The following AFDN variants were observed in gnomAD, a reference collection of about 807,000 sequenced individuals.
AFDN encodes afadin.
AFDN carries 68 observed loss-of-function variants against 216.6 expected under a neutral mutation model. That is an observed-to-expected ratio of 0.31 (90% CI 0.26 to 0.38). The LOEUF (loss-of-function observed/expected upper bound fraction) is 0.38, where lower values mean the gene tolerates loss of function less well. Among genes scored for constraint, AFDN ranks in the 10% least tolerant of loss-of-function variants. AFDN has a pLI of 1.00. For missense variants in AFDN, 2,136 were observed against 2,342.0 expected (o/e 0.91, Z 1.82); for synonymous variants, 868 against 853.7 (o/e 1.02, Z -0.29).
At chr6:167,944,200 T>C (rs9346632) in intron 26 of AFDN, 141 bp downstream of exon 26, 308,406 of 640,014 alleles carry the variant, frequency 0.48, 77,394 homozygotes, top group East Asian at 0.8. Flanking sequence ...CGCTTCAGCA[T>C]AGTGCCTGGG....
intron 1 of AFDN, among the ~76,000 whole-genome samples, chr6:167,839,049 A>T (rs1378669738): frequency 6.6e-6 from 1 of 151,900 alleles, no homozygotes; most frequent in Non-Finnish European, 1.5e-5. Context: ...AACTTCAAAA[A>T]CTTTTTTTTT....
intron 1 of AFDN, among the ~76,000 whole-genome samples, chr6:167,832,889 C>G (rs140738082): frequency 6.6e-6 from 1 of 152,192 alleles, no homozygotes; most frequent in Non-Finnish European, 1.5e-5. Flanking sequence ...ACTTGCTTTA[C>G]CTTGTAAGCG....
intron 30 of AFDN, among the ~76,000 whole-genome samples, chr6:167,955,131 C>A (rs1220973427): frequency 3.9e-5 from 6 of 152,070 alleles, no homozygotes; most frequent in African/African-American, 1.4e-4. Flanking sequence ...CGTATGGTAT[C>A]TTTATCACCT....
intron 1 of AFDN, among the ~76,000 whole-genome samples, chr6:167,835,396 A>G (rs1780313444): frequency 6.6e-6 from 1 of 152,272 alleles, no homozygotes; most frequent in South Asian, 2.1e-4. Flanking sequence ...GTGTTCCATG[A>G]AAGAAGTGAC....
chr6:167,827,300 C>A lies in AFDN; in HGVS notation c.105+63C>A, dbSNP rs1459975691. ...CCCGCTGCGCCGCGCCCCGCCCCTC[C>A]CCCCCGCCGCCGCCCGCCAGCCGCG... On this transcript the variant is annotated intron_variant, in intron 1 of 33. Coordinates refer to ENST00000683244, the MANE Select transcript of AFDN (RefSeq NM_001386888.1). The A allele has an allele frequency of 1.2e-5, 8 of 680,358 alleles. No homozygotes were observed. In the South Asian group the frequency reaches 3.8e-4, roughly 32 times the overall value. The allele number at this position is 680,358 out of a possible 1,614,324, so 42.1% of individuals were successfully genotyped here. A position where few individuals can be genotyped will look rare whatever the true frequency, so the allele number is the denominator to read the frequency against.
chr6:167,922,853 T>C lies in AFDN; in HGVS notation c.2909-3T>C, dbSNP rs1481740889. 2 of 1,601,896 alleles carry C rather than the reference T, an allele frequency of 1.2e-6. No homozygotes were observed. Among genetic ancestry groups the C allele is most frequent in the Non-Finnish European group, 8.5e-7 (1 of 1,171,130 alleles). On this transcript the variant is annotated splice_region_variant and splice_polypyrimidine_tract_variant and intron_variant, in intron 21 of 33. Transcript: ENST00000683244. ...ACTTACAATTTGCTTGTTTCCTCCT[T>C]AGGATTTTGCAGGTTAATTCCTCAC...
intron 11 of AFDN, among the ~76,000 whole-genome samples, chr6:167,901,327 C>T (rs552637552): frequency 9.9e-5 from 15 of 151,998 alleles, no homozygotes; most frequent in Non-Finnish European, 2.1e-4. Flanking sequence ...GTGGGGAGGG[C>T]ACTCTCCAAT....
In AFDN at chr6:167,955,100, G is replaced by A. The variant is rs147232209; in HGVS notation, c.4833+2913G>A. 3.3e-3 allele frequency among the ~76,000 whole-genome samples: 503 copies of A among 152,212 alleles called. 1 individual carries two copies. The highest frequency in any genetic ancestry group is 0.012 in the African/African-American group (482 of 41,492). On this transcript the variant is annotated intron_variant, in intron 30 of 33. Transcript: ENST00000683244. Reference sequence around the variant, plus strand: ...TCATATTGGGGAAGTTTGGCTCATCGTTTAGGGCCCATTATGCTTGCGTAT... The same window carrying A: ...TCATATTGGGGAAGTTTGGCTCATCATTTAGGGCCCATTATGCTTGCGTAT...
chr6:167,929,242 TAAAA>T (rs35368105), intron 23 of AFDN, among the ~76,000 whole-genome samples: 1 of 146,694 alleles, frequency 6.8e-6, no homozygotes. Context: ...TCTCCAGCAT[TAAAA>T]AAAAAAAAAT....
At chr6:167,954,567 G>A in intron 30 of AFDN, 1 of 1,367,606 alleles carries the variant, frequency 7.3e-7, no homozygotes, top group East Asian at 2.3e-5. Context: ...GTGGCTGTTT[G>A]ATGTTTTCAG....
At chr6:167,924,872 A>G (rs1011871340) in intron 22 of AFDN, 133 bp from the exon 23 acceptor site, 4 of 757,580 alleles carry the variant, frequency 5.3e-6, no homozygotes, top group African/African-American at 5.1e-5. Flanking sequence ...AATTTTTTTT[A>G]CTGTTTATCT....
At chr6:167,946,222 T>G (rs1795237825) in intron 26 of AFDN, among the ~76,000 whole-genome samples, 1 of 152,166 alleles carries the variant, frequency 6.6e-6, no homozygotes, top group South Asian at 2.1e-4. Flanking sequence ...GAGTTAGAAA[T>G]CACAGAGGGA....
chr6:167,966,795 G>C (rs900706485), intron 32 of AFDN, among the ~76,000 whole-genome samples: 1 of 152,228 alleles, frequency 6.6e-6, no homozygotes, highest in Non-Finnish European at 1.5e-5. Flanking sequence ...CATCCGCTAA[G>C]CTGGTTCACT....
chr6:167,872,727 C>T, intron 4 of AFDN, among the ~76,000 whole-genome samples: 1 of 152,184 alleles, frequency 6.6e-6, no homozygotes, highest in East Asian at 1.9e-4. Context: ...CAGCAGTTGT[C>T]TCATATGTAC....
chr6:167,888,816 G>C (rs968364801), intron 6 of AFDN, among the ~76,000 whole-genome samples: 2 of 152,122 alleles, frequency 1.3e-5, no homozygotes, highest in Non-Finnish European at 2.9e-5. Flanking sequence ...TATTGTATGA[G>C]CCCACTTTAT....
At chr6:167,946,023 C>T (rs1396990821) in intron 26 of AFDN, among the ~76,000 whole-genome samples, 2 of 152,184 alleles carry the variant, frequency 1.3e-5, no homozygotes, top group African/African-American at 4.8e-5. Context: ...ACAGCCAAGG[C>T]ATCAGAGAAC....
At position 167,924,550 on chromosome 6, in the gene AFDN, G is replaced by A. The variant is rs139139813; in HGVS notation, c.3013-455G>A. On this transcript the variant is annotated intron_variant, in intron 22 of 33. Transcript: ENST00000683244. ...CTGGGTTTTCGCAAGAGACAAAGAC[G>A]TTAGGTCATCTTTGTTATAACCATT... is the stretch of plus-strand genomic sequence containing the variant. Among the ~76,000 whole-genome samples the A allele has an allele frequency of 7.0e-3, 1,072 of 152,306 alleles. 15 individuals are homozygous for A. The highest frequency in any genetic ancestry group is 0.024 in the African/African-American group (1,018 of 41,566).
intron 29 of AFDN, among the ~76,000 whole-genome samples, chr6:167,950,392 C>CTCTGTG (rs1554316942): frequency 1.5e-4 from 21 of 139,372 alleles, no homozygotes; most frequent in Admixed American, 7.9e-4. Context: ...TCATTTTTCT[C>CTCTGTG]TGTGTCTGTG....
intron 8 of AFDN, 61 bp from the exon 9 acceptor site, chr6:167,893,801 C>T: frequency 1.5e-6 from 2 of 1,306,780 alleles, no homozygotes; most frequent in Non-Finnish European, 2.2e-6. Flanking sequence ...GCGTGTTCTG[C>T]ATGGTCTCTC....
Sources: gnomAD v4.1 joint callset for allele counts (sites outside exome capture counted in the v4.1 genomes callset) on GRCh38, gnomAD v4.1.1 for gene constraint, MANE v1.5 for transcripts, NCBI Gene and HGNC (gene_info 2026-07-23, HGNC 2026-07-21) for gene names.